LIFR: variants seen among roughly 807,000 people sequenced by gnomAD.
LIFR encodes the protein leukemia inhibitory factor receptor.
A neutral mutation model predicts 122.2 loss-of-function variants in LIFR; 84 were observed. The ratio of observed to expected loss-of-function variants is 0.69; its 90% CI spans 0.58 to 0.82. LIFR has a LOEUF of 0.82. Among genes scored for constraint, LIFR ranks in the 40% least tolerant of loss-of-function variants. The pLI is 0.00. For missense variants in LIFR, 1,294 were observed against 1,311.6 expected, an observed-to-expected ratio of 0.99 and a Z score of 0.21; for synonymous variants, 422 against 434.7, an observed-to-expected ratio of 0.97 and a Z score of 0.36.
intron 2 of LIFR, among the ~76,000 whole-genome samples, chr5:38,603,372 CT>C (rs538262800): frequency 6.6e-6 from 1 of 152,296 alleles, no homozygotes; most frequent in South Asian, 2.1e-4. Flanking sequence ...ACCAGTCACA[CT>C]ATGAGTTATT....
chr5:38,512,011 G>A (rs750934089), intron 5 of LIFR, 47 bp from the exon 6 acceptor site: 3 of 1,578,186 alleles, frequency 1.9e-6, no homozygotes, highest in Admixed American at 3.4e-5. Flanking sequence ...GTAGCAATAT[G>A]TTTTGCTTTC....
At chr5:38,586,963 A>G (rs1400972774) in intron 1 of LIFR, among the ~76,000 whole-genome samples, 1 of 152,174 alleles carries the variant, frequency 6.6e-6, no homozygotes, top group Admixed American at 6.5e-5. Flanking sequence ...TGTGTTATTA[A>G]TAATAGCCAC....
chr5:38,540,148 G>T (rs1223938261), intron 1 of LIFR, among the ~76,000 whole-genome samples: 1 of 152,056 alleles, frequency 6.6e-6, no homozygotes, highest in Non-Finnish European at 1.5e-5. Context: ...GACAGGTAGG[G>T]GCTCGCAGAT....
At chr5:38,511,086 AC>A (rs1173376488) in intron 6 of LIFR, among the ~76,000 whole-genome samples, 4 of 152,102 alleles carry the variant, frequency 2.6e-5, no homozygotes, top group African/African-American at 9.7e-5. Flanking sequence ...AACAATCCAC[AC>A]CCCCCAAAAA....
At chr5:38,605,004 G>T (rs1159424593) in intron 2 of LIFR, among the ~76,000 whole-genome samples, 2 of 152,150 alleles carry the variant, frequency 1.3e-5, no homozygotes, top group Non-Finnish European at 2.9e-5. Flanking sequence ...AGAAAGGAAT[G>T]TCTGGGTTAT....
In LIFR at chr5:38,564,749, C is replaced by T. The variant is rs924791832; in HGVS notation, c.-20+30512G>A. Among the ~76,000 whole-genome samples, 903 of 148,960 alleles carry T rather than the reference C, an allele frequency of 6.1e-3. 4 individuals carry two copies. Among genetic ancestry groups the T allele is most frequent in the African/African-American group, 0.019 (769 of 40,512 alleles). On this transcript the variant is annotated intron_variant, in intron 1 of 19. Coordinates refer to the LIFR transcript ENST00000263409. ...TACACACACACTACACACACACACA[C>T]ACACACACACACACACACACACACA... is the stretch of plus-strand genomic sequence containing the variant.
At chr5:38,545,323 C>A (rs1747817056) in intron 1 of LIFR, among the ~76,000 whole-genome samples, 1 of 151,398 alleles carries the variant, frequency 6.6e-6, no homozygotes, top group African/African-American at 2.4e-5. Context: ...TACGGTTTAA[C>A]ATATTTGGAG....
At chr5:38,530,962 A>G (rs1421904465) in intron 1 of LIFR, 1 of 277,908 alleles carries the variant, frequency 3.6e-6, no homozygotes, top group Non-Finnish European at 6.8e-6. Flanking sequence ...TATCAACTCT[A>G]CTCCAACTCT....
chr5:38,546,938 A>G lies in LIFR; in HGVS notation c.-20+9396T>C, dbSNP rs143009557. Among the ~76,000 whole-genome samples the G allele has an allele frequency of 5.0e-4, 76 of 152,298 alleles. 1 individual carries two copies. Among genetic ancestry groups the G allele is most frequent in the Middle Eastern group, 6.8e-3 (2 of 294 alleles). On this transcript the variant is annotated intron_variant, in intron 1 of 19. Coordinates refer to ENST00000453190, the MANE Select transcript of LIFR (RefSeq NM_001127671.2). ...GGCCTTCAGGAAAGGGTGAGTTGGC[A>G]AAGTCCTAAGTCTAGCCAGCGACCC...
In LIFR at chr5:38,488,796, T is replaced by C. The variant is rs538641149; in HGVS notation, c.2335+282A>G. On this transcript the variant is annotated intron_variant, in intron 16 of 19. Transcript: ENST00000453190. ...TCATGAGATGCCTTGTTATGGATTA[T>C]GTACAGCTCTAATAAGAGATGGTTT... Among the ~76,000 whole-genome samples the C allele has an allele frequency of 5.3e-5, 8 of 152,362 alleles. No individual in the cohort carries two copies. The East Asian group carries it at 1.5e-3, about 29-fold the overall frequency.
At position 38,481,194 on chromosome 5, in the gene LIFR, C is replaced by G; in HGVS notation, c.*401G>C. 3.5e-6 allele frequency: 1 copy of G among 282,246 alleles called. No homozygotes were observed. Among genetic ancestry groups the G allele is most frequent in the Non-Finnish European group, 6.7e-6 (1 of 148,262 alleles). 17.5% of individuals were successfully genotyped at this position (282,246 alleles called of 1,614,324 possible). On this transcript the variant is annotated 3_prime_UTR_variant, in exon 20 of 20. Coordinates refer to ENST00000453190, the MANE Select transcript of LIFR (RefSeq NM_001127671.2). ...CACCTGTTACTTGGACATTTTCTCC[C>G]TGGCCTGCAAATCCACTTACAATTC...
chr5:38,494,439 G>A (rs1162145189), intron 13 of LIFR, among the ~76,000 whole-genome samples: 1 of 141,864 alleles, frequency 7.0e-6, no homozygotes, highest in Non-Finnish European at 1.5e-5. Context: ...AGCGTCCTAG[G>A]AGACACCAAG....
In LIFR at chr5:38,481,572, A is replaced by G; in HGVS notation, c.*23T>C. 1 of 1,613,830 alleles carries G rather than the reference A, an allele frequency of 6.2e-7. No individual in the cohort carries two copies. Among genetic ancestry groups the G allele is most frequent in the South Asian group, 1.1e-5 (1 of 91,050 alleles). On this transcript the variant is annotated 3_prime_UTR_variant, in exon 20 of 20. Transcript: ENST00000453190. The stretch of plus-strand genomic sequence containing the variant: ...CAGTAAGAGCTTATTGAGATGGCTG[A>G]CTGAAGTGACACGGTGACACTGTTA...
At chr5:38,497,592 A>G (rs1468367503) in intron 12 of LIFR, among the ~76,000 whole-genome samples, 1 of 152,178 alleles carries the variant, frequency 6.6e-6, no homozygotes, top group Non-Finnish European at 1.5e-5. Flanking sequence ...TTACATGCCC[A>G]CTACAGAAAA....
intron 1 of LIFR, among the ~76,000 whole-genome samples, chr5:38,544,711 C>T (rs1223793248): frequency 1.3e-5 from 2 of 152,104 alleles, no homozygotes; most frequent in African/African-American, 2.4e-5. Context: ...TCCCTCCCTC[C>T]CCACCTAGAT....
At chr5:38,546,127 T>G (rs1747880539) in intron 1 of LIFR, among the ~76,000 whole-genome samples, 1 of 152,142 alleles carries the variant, frequency 6.6e-6, no homozygotes, top group Non-Finnish European at 1.5e-5. Context: ...ACTGTAACTT[T>G]AATTACGAAC....
rs1187492620 is a variant in LIFR at position 38,478,733 on chromosome 5, A to C, written c.*2862T>G. On this transcript the variant is annotated 3_prime_UTR_variant, in exon 20 of 20. Coordinates refer to ENST00000453190, the MANE Select transcript of LIFR (RefSeq NM_001127671.2). ...CTGGCTTGTAAGTGAATTGACTTGTAAGAGAGGTAAAAATGTGTCTTACAT... is the reference window on the plus strand; with the variant it reads ...CTGGCTTGTAAGTGAATTGACTTGTCAGAGAGGTAAAAATGTGTCTTACAT... 1 of 213,680 alleles carries C rather than the reference A, an allele frequency of 4.7e-6. No homozygotes were observed. The highest frequency in any genetic ancestry group is 2.3e-5 in the African/African-American group (1 of 44,268). 13.2% of individuals were successfully genotyped at this position (213,680 alleles called of 1,614,324 possible). A position where few individuals can be genotyped will look rare whatever the true frequency, so the allele number is the denominator to read the frequency against.
chr5:38,576,566 G>A (rs1261934879), intron 1 of LIFR, among the ~76,000 whole-genome samples: 1 of 152,172 alleles, frequency 6.6e-6, no homozygotes, highest in Non-Finnish European at 1.5e-5. Flanking sequence ...GCGAGCCAGC[G>A]CTGGGACTCA....
rs138899075 is a variant in LIFR, at chr5:38,486,143, G to T, written c.2336-163C>A. On this transcript the variant is annotated intron_variant, in intron 16 of 19. Coordinates refer to ENST00000453190, the MANE Select transcript of LIFR (RefSeq NM_001127671.2). Reference sequence around the variant, plus strand: ...TACCTTGTTCAAGCTCTACCCCCACGCCAGTCATTAGCTGTGTCGTATGGG... The same window carrying T: ...TACCTTGTTCAAGCTCTACCCCCACTCCAGTCATTAGCTGTGTCGTATGGG... Among the ~76,000 whole-genome samples, 3 of 152,208 alleles carry T rather than the reference G, an allele frequency of 2.0e-5. No individual in the cohort carries two copies. The South Asian group carries it at 6.2e-4, about 32-fold the overall frequency.
Sources: allele counts gnomAD v4.1 joint callset (sites outside exome capture counted in the v4.1 genomes callset), GRCh38; gene constraint gnomAD v4.1.1; transcripts MANE v1.5; gene names NCBI Gene and HGNC (gene_info 2026-07-23, HGNC 2026-07-21).